Variants in CORO2B observed in about 807,000 individuals in gnomAD.
The protein encoded by CORO2B is coronin-2B.
CORO2B carries 26 observed loss-of-function variants against 58.8 expected under a neutral mutation model. The ratio of observed to expected loss-of-function variants is 0.44; its 90% CI spans 0.32 to 0.61. The LOEUF is 0.61. Among genes scored for constraint, CORO2B ranks in the 20% least tolerant of loss-of-function variants. CORO2B has a pLI of 0.04. For missense variants in CORO2B, 460 were observed against 645.1 expected (o/e 0.71, Z 3.11); for synonymous variants, 242 against 253.8 (o/e 0.95, Z 0.44).
At chr15:68,625,805 A>G (rs1900662182) in intron 1 of CORO2B, among the ~76,000 whole-genome samples, 1 of 151,976 alleles carries the variant, frequency 6.6e-6, no homozygotes, top group Non-Finnish European at 1.5e-5. Context: ...GGGTTTCACC[A>G]TGTTGCCCAG....
At chr15:68,558,540 G>C in the CORO2B span, among the ~76,000 whole-genome samples, 1 of 152,218 alleles carries the variant, frequency 6.6e-6, no homozygotes, top group Admixed American at 6.5e-5. Flanking sequence ...ATTCCCCCAG[G>C]TAACTTATTA....
At chr15:68,569,563 A>C in the CORO2B span, among the ~76,000 whole-genome samples, 1 of 152,208 alleles carries the variant, frequency 6.6e-6, no homozygotes, top group Non-Finnish European at 1.5e-5. Flanking sequence ...AGTTGTGCCC[A>C]AGTTTTGGCA....
rs115954096 is a variant in CORO2B, at chr15:68,719,880, C to T, written c.1311+328C>T. Among the ~76,000 whole-genome samples the T allele has an allele frequency of 3.3e-3, 508 of 152,350 alleles. 3 individuals carry two copies. Among genetic ancestry groups the T allele is most frequent in the African/African-American group, 0.012 (486 of 41,584 alleles). ...AATTCCTGACTAACAGGGGCAAGCC[C>T]GGCCTCGTGTATCACAGCCCTGCCT... is the stretch of plus-strand genomic sequence containing the variant. On this transcript the variant is annotated intron_variant, in intron 11 of 11. Coordinates refer to ENST00000261861, the MANE Select transcript of CORO2B (RefSeq NM_006091.5).
At chr15:68,579,402 G>A in intron 1 of CORO2B, 125 bp downstream of exon 1, 5 of 960,722 alleles carry the variant, frequency 5.2e-6, no homozygotes, top group Non-Finnish European at 5.2e-6. Flanking sequence ...TGCGGCGCGC[G>A]CCTCTCTTGC....
Position 68,711,586 on chromosome 15 carries a change from T to C in CORO2B, c.528T>C (p.Ile176=), listed in dbSNP as rs1892919019. The change falls in exon 5 of 12, where the codon ATT becomes ATC. Residue 176 remains isoleucine, a synonymous_variant. Coordinates refer to ENST00000261861, the MANE Select transcript of CORO2B (RefSeq NM_006091.5). ...ATGTGGGTGAGCCGGTGAAGATGATTGACTGCCACACGGATGTGATCCTCT... is the reference window on the plus strand; with the variant it reads ...ATGTGGGTGAGCCGGTGAAGATGATCGACTGCCACACGGATGTGATCCTCT... ...NLDVGEPVKM[I]DCHTDVILCM... 4 of 1,613,802 alleles carry C rather than the reference T, an allele frequency of 2.5e-6. No individual in the cohort carries two copies. The East Asian group carries it at 8.9e-5, about 36-fold the overall frequency.
chr15:68,686,604 A>T (rs1292425857), intron 2 of CORO2B, among the ~76,000 whole-genome samples: 1 of 152,148 alleles, frequency 6.6e-6, no homozygotes, highest in Non-Finnish European at 1.5e-5. Context: ...AATGTATATA[A>T]ATTGCTTAAC....
chr15:68,630,163 T>C (rs1900788654), intron 1 of CORO2B, among the ~76,000 whole-genome samples: 1 of 152,122 alleles, frequency 6.6e-6, no homozygotes, highest in Non-Finnish European at 1.5e-5. Context: ...CAGCATTCAG[T>C]TGAATAAAGA....
chr15:68,554,238 A>AT, the CORO2B span, among the ~76,000 whole-genome samples: 1 of 152,082 alleles, frequency 6.6e-6, no homozygotes, highest in Non-Finnish European at 1.5e-5. Context: ...AGCAGCTGAA[A>AT]TTGAGTGGAC....
At position 68,710,613 on chromosome 15, in the gene CORO2B, C is replaced by A; in HGVS notation, c.334-119C>A. ...GTCGAGCTTTGCCCATCGCCTCAAGCCAGGAGGTGGCTCATCAGGCAGATC... is the reference window on the plus strand; with the variant it reads ...GTCGAGCTTTGCCCATCGCCTCAAGACAGGAGGTGGCTCATCAGGCAGATC... On this transcript the variant is annotated intron_variant, in intron 3 of 11. Coordinates refer to ENST00000261861, the MANE Select transcript of CORO2B (RefSeq NM_006091.5). The surrounding 1 kb of genome is among the most constrained non-coding windows in gnomAD (Gnocchi z 4.1). The A allele has an allele frequency of 1.6e-6, 2 of 1,243,494 alleles. No individual in the cohort carries two copies. The highest frequency in any genetic ancestry group is 2.1e-6 in the Non-Finnish European group (2 of 934,264). 77.0% of individuals were successfully genotyped at this position (1,243,494 alleles called of 1,614,324 possible).
Position 68,579,187 on chromosome 15 carries a change from TCCGCCGCCGCCCCGGGCCG to T in CORO2B, c.-62_-44del, listed in dbSNP as rs878930820. On this transcript the variant is annotated 5_prime_UTR_variant, in exon 1 of 12. Coordinates refer to ENST00000261861, the MANE Select transcript of CORO2B (RefSeq NM_006091.5). ...CGAGCCGGGAGCTGCCGGACCCCCT[TCCGCCGCCGCCCCGGGCCG>T]CCGCCGCCGCCCCCGCACGCCGCGC... 6.7e-3 allele frequency: 6,620 copies of T among 989,738 alleles called. 34 individuals are homozygous for T. Among genetic ancestry groups the T allele is most frequent in the Non-Finnish European group, 7.1e-3 (5,928 of 836,122 alleles). 61.3% of individuals were successfully genotyped at this position (989,738 alleles called of 1,614,324 possible).
At chr15:68,699,161 G>A (rs889142119) in intron 3 of CORO2B, among the ~76,000 whole-genome samples, 2 of 152,130 alleles carry the variant, frequency 1.3e-5, no homozygotes, top group African/African-American at 4.8e-5. Flanking sequence ...TGGAGCCCTG[G>A]GGTGGTGGTC....
At chr15:68,579,426 C>G (rs1302837649) in intron 1 of CORO2B, 149 bp downstream of exon 1, 9 of 812,406 alleles carry the variant, frequency 1.1e-5, no homozygotes, top group Admixed American at 5.2e-5. Flanking sequence ...CGGATCCGCT[C>G]GAGTCACTCC....
the CORO2B span, among the ~76,000 whole-genome samples, chr15:68,541,306 G>A: frequency 0.027 from 4,149 of 152,096 alleles, 203 homozygotes; most frequent in African/African-American, 0.095. Context: ...TGATTTCAGG[G>A]TCATCATGTT....
intron 1 of CORO2B, among the ~76,000 whole-genome samples, chr15:68,583,666 G>C (rs148293198): frequency 1.3e-5 from 2 of 152,316 alleles, no homozygotes; most frequent in African/African-American, 4.8e-5. Context: ...GTCAGATGGC[G>C]AGGGGGATTA....
At chr15:68,633,514 T>TACAC (rs147873341) in intron 1 of CORO2B, among the ~76,000 whole-genome samples, 1,447 of 144,074 alleles carry the variant, frequency 0.01, 24 homozygotes, top group African/African-American at 0.03. Context: ...TACTCCAACA[T>TACAC]ACACACACAC....
chr15:68,683,393 G>A (rs1902855637), intron 2 of CORO2B, among the ~76,000 whole-genome samples: 1 of 152,228 alleles, frequency 6.6e-6, no homozygotes, highest in South Asian at 2.1e-4. Flanking sequence ...TGGCGGGGGA[G>A]GAGAAAGCCA....
the CORO2B span, among the ~76,000 whole-genome samples, chr15:68,532,100 A>G: frequency 6.6e-6 from 1 of 151,902 alleles, no homozygotes; most frequent in Non-Finnish European, 1.5e-5. Flanking sequence ...TTCATTACTA[A>G]TTTTCAACAA....
intron 8 of CORO2B, 74 bp downstream of exon 8, chr15:68,715,385 T>C: frequency 1.9e-6 from 2 of 1,055,384 alleles, no homozygotes; most frequent in Non-Finnish European, 2.9e-6. Flanking sequence ...GGTCACCCCC[T>C]CCCTTAAGTG....
chr15:68,572,487 C>T, the CORO2B span, among the ~76,000 whole-genome samples: 1 of 152,106 alleles, frequency 6.6e-6, no homozygotes, highest in African/African-American at 2.4e-5. Flanking sequence ...GTGAAAACAA[C>T]TCCTTCATAT....
Sources: allele counts gnomAD v4.1 joint callset (sites outside exome capture counted in the v4.1 genomes callset), GRCh38; gene constraint gnomAD v4.1.1; non-coding constraint Gnocchi (gnomAD v3.1); transcripts MANE v1.5; gene names NCBI Gene and HGNC (gene_info 2026-07-23, HGNC 2026-07-21).